Variants in GALNT13 observed in about 807,000 individuals in gnomAD.
The protein encoded by GALNT13 is UDP-GalNAc:polypeptide N-acetylgalactosaminyltransferase 13.
In GALNT13, 28 loss-of-function variants were observed where a neutral mutation model predicts 64.2. That is an observed-to-expected ratio of 0.44 (90% CI 0.32 to 0.60). GALNT13 has a LOEUF of 0.60. Ranked by LOEUF, GALNT13 falls within the 20% of genes least tolerant of loss-of-function variation. The probability of loss-of-function intolerance (pLI) is 0.05; values close to 1 mark genes in which losing one functional copy is unlikely to be tolerated. For missense variants in GALNT13, 577 were observed against 669.8 expected, an observed-to-expected ratio of 0.86 and a Z score of 1.53; for synonymous variants, 214 against 224.6, an observed-to-expected ratio of 0.95 and a Z score of 0.42.
intron 1 of GALNT13, among the ~76,000 whole-genome samples, chr2:153,881,897 T>C (rs1181758080): frequency 3.3e-5 from 5 of 152,152 alleles, no homozygotes; most frequent in African/African-American, 1.2e-4. Flanking sequence ...CTTATTTGAA[T>C]CATTCTGAAG....
intron 3 of GALNT13, among the ~76,000 whole-genome samples, chr2:154,022,978 C>T (rs556425491): frequency 6.6e-6 from 1 of 152,180 alleles, no homozygotes; most frequent in Non-Finnish European, 1.5e-5. Flanking sequence ...AGGAGCAGGT[C>T]GTTCAGATTC....
chr2:153,765,069 GA>G, the GALNT13 span, among the ~76,000 whole-genome samples: 2 of 152,232 alleles, frequency 1.3e-5, no homozygotes, highest in Non-Finnish European at 2.9e-5. Context: ...TAGTCCTCAT[GA>G]AAAATCTTTG....
At chr2:153,155,398 G>T in the GALNT13 span, among the ~76,000 whole-genome samples, 1 of 152,118 alleles carries the variant, frequency 6.6e-6, no homozygotes, top group African/African-American at 2.4e-5. Flanking sequence ...CTCAATTTCA[G>T]AACTTGTTAT....
chr2:153,069,235 C>CAA, the GALNT13 span, among the ~76,000 whole-genome samples: 1 of 152,142 alleles, frequency 6.6e-6, no homozygotes, highest in African/African-American at 2.4e-5. Context: ...TGCATTTTTC[C>CAA]TTCTAGAAAG....
chr2:153,218,923 A>T, the GALNT13 span, among the ~76,000 whole-genome samples: 3 of 152,216 alleles, frequency 2.0e-5, no homozygotes, highest in Non-Finnish European at 4.4e-5. Flanking sequence ...AAAAAAGTAT[A>T]AAATTTGAAG....
intron 11 of GALNT13, chr2:154,409,430 A>G (rs972270304): frequency 1.0e-4 from 24 of 230,192 alleles, no homozygotes; most frequent in African/African-American, 4.9e-4. Context: ...TGTTTTCCCA[A>G]TGGTTATTTT....
At chr2:153,538,075 C>T in the GALNT13 span, among the ~76,000 whole-genome samples, 1 of 152,060 alleles carries the variant, frequency 6.6e-6, no homozygotes, top group Admixed American at 6.6e-5. Flanking sequence ...GTTTGGAACT[C>T]CCTGGAGACT....
At chr2:153,356,008 G>T in the GALNT13 span, among the ~76,000 whole-genome samples, 1,107 of 152,114 alleles carry the variant, frequency 7.3e-3, 15 homozygotes, top group African/African-American at 0.025. Context: ...AGCCGGAAGG[G>T]GTCTTAGGCG....
At chr2:153,231,577 A>G in the GALNT13 span, among the ~76,000 whole-genome samples, 1 of 152,256 alleles carries the variant, frequency 6.6e-6, no homozygotes, top group Admixed American at 6.5e-5. Flanking sequence ...CAGCATAGAT[A>G]TCCTTCAGTT....
At chr2:153,849,891 G>A in the GALNT13 span, among the ~76,000 whole-genome samples, 1 of 151,790 alleles carries the variant, frequency 6.6e-6, no homozygotes, top group Admixed American at 6.6e-5. Context: ...GCCGGGCGTG[G>A]TGGCTCATGC....
At chr2:153,517,313 A>T in the GALNT13 span, among the ~76,000 whole-genome samples, 2 of 152,220 alleles carry the variant, frequency 1.3e-5, no homozygotes, top group Non-Finnish European at 2.9e-5. Context: ...GAGTGTTTTC[A>T]AAAGCCCAGG....
At chr2:153,514,568 G>A in the GALNT13 span, among the ~76,000 whole-genome samples, 19 of 152,120 alleles carry the variant, frequency 1.2e-4, no homozygotes, top group African/African-American at 3.6e-4. Context: ...GACCTTTTAC[G>A]GATGGGCATT....
chr2:154,020,794 G>A (rs1274322811), intron 3 of GALNT13, among the ~76,000 whole-genome samples: 1 of 151,822 alleles, frequency 6.6e-6, no homozygotes, highest in Non-Finnish European at 1.5e-5. Context: ...GTCCTGAATG[G>A]TATTGCCTAG....
chr2:154,210,834 A>G (rs970071853), intron 4 of GALNT13, among the ~76,000 whole-genome samples: 3 of 152,176 alleles, frequency 2.0e-5, no homozygotes, highest in Admixed American at 2.0e-4. Flanking sequence ...GTGATGATAG[A>G]TAAAAGAAGA....
chr2:154,280,227 A>G (rs1691887944), intron 8 of GALNT13, among the ~76,000 whole-genome samples: 1 of 152,178 alleles, frequency 6.6e-6, no homozygotes, highest in African/African-American at 2.4e-5. Flanking sequence ...TCAAATGCAA[A>G]CTGATGACTA....
intron 8 of GALNT13, among the ~76,000 whole-genome samples, chr2:154,259,548 G>T (rs753816444): frequency 1.3e-5 from 2 of 152,074 alleles, no homozygotes; most frequent in East Asian, 1.9e-4. Flanking sequence ...ATGAACTGTG[G>T]TCAAATGAAT....
At chr2:154,353,122 G>A (rs1696504963) in intron 9 of GALNT13, among the ~76,000 whole-genome samples, 1 of 152,096 alleles carries the variant, frequency 6.6e-6, no homozygotes, top group Non-Finnish European at 1.5e-5. Flanking sequence ...TTTGTCAAGT[G>A]ATTTGACCTC....
chr2:153,524,823 A>G, the GALNT13 span, among the ~76,000 whole-genome samples: 4 of 152,198 alleles, frequency 2.6e-5, no homozygotes, highest in African/African-American at 4.8e-5. Context: ...CTAGGCCACA[A>G]GGACTGTAAC....
upstream of GALNT13, among the ~76,000 whole-genome samples, chr2:153,871,291 T>G (rs1362849962): frequency 6.6e-6 from 1 of 152,220 alleles, no homozygotes; most frequent in Non-Finnish European, 1.5e-5. Context: ...CGCTCTGTGT[T>G]TCCAGTACTC....
Sources: gnomAD v4.1 joint callset for allele counts (sites outside exome capture counted in the v4.1 genomes callset) on GRCh38, gnomAD v4.1.1 for gene constraint, MANE v1.5 for transcripts, NCBI Gene and HGNC (gene_info 2026-07-23, HGNC 2026-07-21) for gene names.